Variants in ATP8B1 observed in about 807,000 individuals in gnomAD.
The protein encoded by ATP8B1 is phospholipid-transporting ATPase IC.
ATP8B1 carries 80 observed loss-of-function variants against 149.9 expected under a neutral mutation model. The ratio of observed to expected loss-of-function variants is 0.53; its 90% confidence interval spans 0.45 to 0.64. The LOEUF is 0.64. Among genes scored for constraint, ATP8B1 ranks in the 30% least tolerant of loss-of-function variants. The probability of loss-of-function intolerance (pLI) is 0.00; values close to 1 mark genes in which losing one functional copy is unlikely to be tolerated. For synonymous variants in ATP8B1, 536 were observed against 562.8 expected (o/e 0.95, Z 0.67); for missense variants, 1,247 against 1,552.6 (o/e 0.80, Z 3.31).
intron 1 of ATP8B1, among the ~76,000 whole-genome samples, chr18:57,768,416 G>GAAAAA (rs2080236063): frequency 7.5e-6 from 1 of 132,454 alleles, no homozygotes; most frequent in Non-Finnish European, 1.6e-5. Context: ...AAAAAGAAAA[G>GAAAAA]AAAAGAAAAG....
At chr18:57,772,606 T>TC (rs2080272638) in intron 1 of ATP8B1, among the ~76,000 whole-genome samples, 1 of 152,202 alleles carries the variant, frequency 6.6e-6, no homozygotes, top group South Asian at 2.1e-4. Flanking sequence ...ATCTGAGTTC[T>TC]CCCATGCATT....
At chr18:57,800,108 G>A (rs2080559972) in intron 1 of ATP8B1, among the ~76,000 whole-genome samples, 1 of 152,092 alleles carries the variant, frequency 6.6e-6, no homozygotes, top group African/African-American at 2.4e-5. Flanking sequence ...AACTTTCCAG[G>A]AGACTAAACT....
At chr18:57,792,639 T>C (rs73959356) in intron 1 of ATP8B1, among the ~76,000 whole-genome samples, 6,821 of 152,120 alleles carry the variant, frequency 0.045, 498 homozygotes, top group African/African-American at 0.16. Context: ...GGATTTCTGT[T>C]AGGGGTGATG....
At chr18:57,677,467 C>T (rs1245649940) in intron 15 of ATP8B1, among the ~76,000 whole-genome samples, 2 of 133,420 alleles carry the variant, frequency 1.5e-5, no homozygotes, top group East Asian at 2.2e-4. Context: ...ATACTTTGAC[C>T]AGGATGAAGG....
At chr18:57,707,984 C>T (rs1312351218) in intron 2 of ATP8B1, among the ~76,000 whole-genome samples, 3 of 150,734 alleles carry the variant, frequency 2.0e-5, no homozygotes, top group Non-Finnish European at 4.4e-5. Flanking sequence ...TGGTGAAACC[C>T]CGTCTCTACT....
chr18:57,719,205 A>T (rs2079613020), intron 2 of ATP8B1, among the ~76,000 whole-genome samples: 1 of 152,248 alleles, frequency 6.6e-6, no homozygotes, highest in Non-Finnish European at 1.5e-5. Flanking sequence ...TCTGTATGCC[A>T]ACAGCAAACA....
chr18:57,743,684 G>A (rs1017108177), intron 1 of ATP8B1, among the ~76,000 whole-genome samples: 1 of 152,174 alleles, frequency 6.6e-6, no homozygotes, highest in Non-Finnish European at 1.5e-5. Context: ...GGAGATCTGG[G>A]GGAAAGAGCA....
chr18:57,653,421 A>G (rs1443232271), intron 24 of ATP8B1, among the ~76,000 whole-genome samples: 2 of 151,128 alleles, frequency 1.3e-5, no homozygotes, highest in African/African-American at 2.4e-5. Flanking sequence ...AGTAGCTGGG[A>G]CTTCACAGGT....
At position 57,685,776 on chromosome 18, in the gene ATP8B1, A is replaced by G. The variant is rs182217648; in HGVS notation, c.1430-661T>C. On this transcript the variant is annotated intron_variant, in intron 13 of 27. Transcript: ENST00000648908. ...GTGAAACTCCATCTCTATTAAAAAT[A>G]CAAAATTAGCTGGGAATGGTGGTTC... Among the ~76,000 whole-genome samples the G allele has an allele frequency of 9.4e-4, 143 of 151,722 alleles. 2 individuals carry two copies. Among genetic ancestry groups the G allele is most frequent in the African/African-American group, 3.2e-3 (133 of 41,352 alleles).
At chr18:57,653,645 C>T (rs1054639509) in intron 24 of ATP8B1, among the ~76,000 whole-genome samples, 1 of 149,530 alleles carries the variant, frequency 6.7e-6, no homozygotes, top group African/African-American at 2.5e-5. Context: ...ATATGTGTGC[C>T]AATGAATTCA....
chr18:57,748,106 C>T (rs557355221), intron 1 of ATP8B1, among the ~76,000 whole-genome samples: 74 of 152,284 alleles, frequency 4.9e-4, no homozygotes, highest in African/African-American at 1.4e-3. Flanking sequence ...CATGGTAAGA[C>T]TTCTGATGTA....
intron 17 of ATP8B1, among the ~76,000 whole-genome samples, chr18:57,669,927 GC>G (rs886651718): frequency 6.6e-6 from 1 of 152,200 alleles, no homozygotes; most frequent in African/African-American, 2.4e-5. Flanking sequence ...ACAGGCATGA[GC>G]CACTGCACCC....
chr18:57,761,115 AAAATAAAAT>A (rs879594832), intron 1 of ATP8B1, among the ~76,000 whole-genome samples: 7,468 of 48,044 alleles, frequency 0.16, 294 homozygotes, highest in Non-Finnish European at 0.18. Flanking sequence ...AATAAAATAT[AAAATAAAAT>A]AAAATAAAAT....
chr18:57,733,439 G>A (rs7242660), intron 1 of ATP8B1, among the ~76,000 whole-genome samples: 85,680 of 151,992 alleles, frequency 0.56, 24,359 homozygotes, highest in Non-Finnish European at 0.59. Context: ...ACGCACGGTG[G>A]CTCACACCTG....
intron 17 of ATP8B1, among the ~76,000 whole-genome samples, chr18:57,670,869 G>A (rs2122720752): frequency 6.6e-6 from 1 of 151,552 alleles, no homozygotes; most frequent in African/African-American, 2.4e-5. Context: ...ACCACACCCA[G>A]TTAATTTTTT....
intron 1 of ATP8B1, among the ~76,000 whole-genome samples, chr18:57,771,803 G>T (rs949594454): frequency 6.6e-6 from 1 of 152,078 alleles, no homozygotes; most frequent in South Asian, 2.1e-4. Flanking sequence ...AGTGCTGTCA[G>T]AACAACCAGA....
intron 1 of ATP8B1, among the ~76,000 whole-genome samples, chr18:57,773,561 A>G (rs528813728): frequency 3.0e-4 from 46 of 152,332 alleles, no homozygotes; most frequent in African/African-American, 1.0e-3. Context: ...CATTTTATTC[A>G]AGAAGAGGGT....
rs749719993 is a variant in ATP8B1, at chr18:57,685,076, A to C, written c.1469T>G (p.Ile490Arg). The C allele has an allele frequency of 1.9e-6, 3 of 1,614,050 alleles. No individual in the cohort carries two copies. The highest frequency in any genetic ancestry group is 1.1e-5 in the South Asian group (1 of 91,080). Reference sequence around the variant, plus strand: ...TCTTCGGCTTAAAGGTCTTACCTCTATTTTGTTGTGGTTGTGTTGAGAGGC... The same window carrying C: ...TCTTCGGCTTAAAGGTCTTACCTCTCTTTTGTTGTGGTTGTGTTGAGAGGC... Reference protein sequence around the residue: ...RDASQHNHNKIEQVDFSWNTY... With the variant: ...RDASQHNHNKREQVDFSWNTY... Residue 490 changes from isoleucine to arginine, a missense_variant, in exon 14 of 28, where the codon ATA becomes AGA. By Grantham distance (97) the Ile-to-Arg change is moderately conservative. Coordinates refer to ENST00000648908, the MANE Select transcript of ATP8B1 (RefSeq NM_001374385.1).
chr18:57,648,464 G>A lies in ATP8B1; in HGVS notation c.*24C>T, dbSNP rs993877680. On this transcript the variant is annotated 3_prime_UTR_variant, in exon 28 of 28. Transcript: ENST00000648908. The stretch of plus-strand genomic sequence containing the variant: ...AAAAAAATAGACGTGCTTTGTGGCC[G>A]CATCCCAGCCTGGGGGTAAGGGATC... The A allele has an allele frequency of 2.5e-6, 4 of 1,608,896 alleles. No homozygotes were observed. The highest frequency in any genetic ancestry group is 1.3e-5 in the African/African-American group (1 of 74,828).
Sources: gnomAD v4.1 joint callset for allele counts (sites outside exome capture counted in the v4.1 genomes callset) on GRCh38, gnomAD v4.1.1 for gene constraint, MANE v1.5 for transcripts, NCBI Gene and HGNC (gene_info 2026-07-23, HGNC 2026-07-21) for gene names.